Variants in GATA4 observed in about 807,000 individuals in gnomAD.
The protein encoded by GATA4 is transcription factor GATA-4.
GATA4 carries 7 observed loss-of-function variants against 37.9 expected under a neutral mutation model. That is an observed-to-expected ratio of 0.18 (90% CI 0.11 to 0.35). The LOEUF (loss-of-function observed/expected upper bound fraction) is 0.35, where lower values mean the gene tolerates loss of function less well. Among genes scored for constraint, GATA4 ranks in the 10% least tolerant of loss-of-function variants. The probability of loss-of-function intolerance (pLI) is 1.00; values close to 1 mark genes in which losing one functional copy is unlikely to be tolerated. For synonymous variants in GATA4, 372 were observed against 292.6 expected, an observed-to-expected ratio of 1.27 and a Z score of -2.77; for missense variants, 647 against 653.0, an observed-to-expected ratio of 0.99 and a Z score of 0.10.
Position 11,707,059 on chromosome 8 carries a change from T to C in GATA4, c.-457-797T>C, listed in dbSNP as rs1259093225. Among the ~76,000 whole-genome samples the C allele has an allele frequency of 6.6e-6, 1 of 152,238 alleles. No individual in the cohort carries two copies. Among genetic ancestry groups the C allele is most frequent in the Non-Finnish European group, 1.5e-5 (1 of 68,036 alleles). On this transcript the variant is annotated intron_variant, in intron 1 of 6. Transcript: ENST00000532059. This position sits in a 1 kb window ranked among gnomAD's most constrained non-coding sequence, Gnocchi z 4.7. ...ATTCTGCTTATGGGTGGATTTATTATTCTATATGAAGAACCCATTCAGTGA... is the reference window on the plus strand; with the variant it reads ...ATTCTGCTTATGGGTGGATTTATTACTCTATATGAAGAACCCATTCAGTGA...
At chr8:11,716,757 C>T (rs960199598) in intron 2 of GATA4, among the ~76,000 whole-genome samples, 1 of 152,172 alleles carries the variant, frequency 6.6e-6, no homozygotes, top group African/African-American at 2.4e-5. Flanking sequence ...CCGGCTGCAG[C>T]GGTGGGATTG....
At chr8:11,692,958 C>T in intron 1 of GATA4, 2 of 985,182 alleles carry the variant, frequency 2.0e-6, no homozygotes, top group Non-Finnish European at 2.4e-6. Flanking sequence ...ATAAGGCCTG[C>T]CAGGCGCCGG....
At chr8:11,733,817 AC>A (rs1228902134) in intron 2 of GATA4, among the ~76,000 whole-genome samples, 1 of 152,128 alleles carries the variant, frequency 6.6e-6, no homozygotes, top group African/African-American at 2.4e-5. Context: ...TATTTCCACC[AC>A]CCCGATGACA....
At chr8:11,716,444 C>G (rs981994720) in intron 2 of GATA4, among the ~76,000 whole-genome samples, 1 of 152,030 alleles carries the variant, frequency 6.6e-6, no homozygotes, top group Non-Finnish European at 1.5e-5. Context: ...TTCCTTTATG[C>G]TCAAGCTTCC....
At chr8:11,743,807 C>G (rs1274050410) in intron 2 of GATA4, among the ~76,000 whole-genome samples, 3 of 152,134 alleles carry the variant, frequency 2.0e-5, no homozygotes. Flanking sequence ...AGGGTGGGAG[C>G]AGCTTGTTTA....
intron 2 of GATA4, among the ~76,000 whole-genome samples, chr8:11,744,760 G>T (rs1055496442): frequency 4.6e-5 from 7 of 152,186 alleles, no homozygotes; most frequent in African/African-American, 1.7e-4. Flanking sequence ...GGTGTAGGAG[G>T]TTGACTATTG....
intron 6 of GATA4, 97 bp from the exon 7 acceptor site, chr8:11,758,196 G>A (rs1705853293): frequency 2.5e-6 from 3 of 1,203,988 alleles, no homozygotes; most frequent in Non-Finnish European, 3.7e-6. Flanking sequence ...AAGCCATCCT[G>A]GGGACATCTG....
intron 2 of GATA4, among the ~76,000 whole-genome samples, chr8:11,714,732 A>T (rs1800362250): frequency 6.6e-6 from 1 of 152,208 alleles, no homozygotes; most frequent in African/African-American, 2.4e-5. Context: ...AGGTGGAATG[A>T]TGCCCGGGAG....
intron 2 of GATA4, among the ~76,000 whole-genome samples, chr8:11,729,607 G>A (rs942031807): frequency 6.6e-6 from 1 of 151,684 alleles, no homozygotes; most frequent in African/African-American, 2.4e-5. Flanking sequence ...AAAGGAAGAA[G>A]GACTGTGTAG....
At chr8:11,679,034 A>G (rs758263776) in intron 1 of GATA4, among the ~76,000 whole-genome samples, 2 of 152,232 alleles carry the variant, frequency 1.3e-5, no homozygotes, top group Non-Finnish European at 2.9e-5. Context: ...ACAGAAAATT[A>G]TAGTTTGCGT....
At position 11,683,065 on chromosome 8, in the gene GATA4, AC is replaced by A. The variant is rs1367011107; in HGVS notation, c.-274+6007del. 11 of 984,916 alleles carry A rather than the reference AC, an allele frequency of 1.1e-5. No homozygotes were observed. In the African/African-American group the frequency reaches 1.6e-4, roughly 14 times the overall value. 61.0% of individuals were successfully genotyped at this position (984,916 alleles called of 1,614,324 possible). On this transcript the variant is annotated intron_variant, in intron 1 of 6. Coordinates refer to the GATA4 transcript ENST00000528712. ...TCTCGACAGCTCTCTGGTGTCTCTT[AC>A]CCCCTAGGTTTTCCCAGCCTTCTCG...
intron 2 of GATA4, among the ~76,000 whole-genome samples, chr8:11,734,201 C>G (rs753243065): frequency 2.0e-5 from 3 of 152,200 alleles, no homozygotes; most frequent in Non-Finnish European, 4.4e-5. Flanking sequence ...TATAAACAGA[C>G]ATGTACAAGG....
rs762887836 is a variant in GATA4 at position 11,748,903 on chromosome 8, C to T, written c.617-13C>T. The T allele has an allele frequency of 3.1e-6, 5 of 1,613,774 alleles. No homozygotes were observed. The highest frequency in any genetic ancestry group is 4.5e-5 in the East Asian group (2 of 44,886). On this transcript the variant is annotated splice_polypyrimidine_tract_variant and intron_variant, in intron 2 of 6. Transcript: ENST00000532059. ...TCCTCTGTGTCTTTTCTTGTCTGTT[C>T]CCCCCAACTCAGTAGATATGTTTGA...
intron 2 of GATA4, among the ~76,000 whole-genome samples, chr8:11,735,553 G>C (rs556756810): frequency 4.6e-4 from 69 of 151,276 alleles, no homozygotes; most frequent in East Asian, 9.7e-4. Flanking sequence ...TTGTTTGTTT[G>C]TTTGTTTCTT....
intron 1 of GATA4, among the ~76,000 whole-genome samples, chr8:11,695,190 G>A (rs1013511663): frequency 2.6e-5 from 4 of 152,180 alleles, no homozygotes; most frequent in African/African-American, 9.7e-5. Flanking sequence ...TGGATCACCT[G>A]AGGCTGGGAG....
At chr8:11,743,355 G>T (rs960003113) in intron 2 of GATA4, among the ~76,000 whole-genome samples, 1 of 152,242 alleles carries the variant, frequency 6.6e-6, no homozygotes, top group Non-Finnish European at 1.5e-5. Context: ...GCTGTGAAGG[G>T]GCTGAGACCC....
intron 4 of GATA4, 89 bp downstream of exon 4, chr8:11,750,325 C>A (rs1802241610): frequency 1.3e-6 from 2 of 1,552,988 alleles, no homozygotes; most frequent in South Asian, 2.3e-5. Flanking sequence ...TACTAGCATT[C>A]ATTTTTCCTT....
intron 1 of GATA4, among the ~76,000 whole-genome samples, chr8:11,687,607 T>A (rs1192474971): frequency 6.6e-6 from 1 of 152,170 alleles, no homozygotes; most frequent in Non-Finnish European, 1.5e-5. Context: ...TTTTTATAGA[T>A]GAGAAAACTG....
chr8:11,733,991 G>C (rs1023139171), intron 2 of GATA4, among the ~76,000 whole-genome samples: 2 of 152,216 alleles, frequency 1.3e-5, no homozygotes, highest in East Asian at 3.8e-4. Flanking sequence ...CCTTCGGCCT[G>C]CATGTCCAAT....
Sources: allele counts gnomAD v4.1 joint callset (sites outside exome capture counted in the v4.1 genomes callset), GRCh38; gene constraint gnomAD v4.1.1; non-coding constraint Gnocchi (gnomAD v3.1); transcripts MANE v1.5; gene names NCBI Gene and HGNC (gene_info 2026-07-23, HGNC 2026-07-21).